GFOD1: variants seen among roughly 807,000 people sequenced by gnomAD.
GFOD1 encodes the protein Gfo/Idh/MocA-like oxidoreductase domain containing 1, also known as glucose-fructose oxidoreductase domain-containing protein 1.
A neutral mutation model predicts 25.4 loss-of-function variants in GFOD1; 9 were observed. The observed-to-expected ratio is 0.35, with a 90% confidence interval of 0.21 to 0.62. The LOEUF is 0.62. Among genes scored for constraint, GFOD1 ranks in the 20% least tolerant of loss-of-function variants. The probability of loss-of-function intolerance (pLI) is 0.72; values close to 1 mark genes in which losing one functional copy is unlikely to be tolerated. For synonymous variants in GFOD1, 253 were observed against 245.6 expected (o/e 1.03, Z -0.28); for missense variants, 403 against 556.9 (o/e 0.72, Z 2.78).
intron 1 of GFOD1, among the ~76,000 whole-genome samples, chr6:13,386,018 T>C (rs1415577247): frequency 6.6e-6 from 1 of 151,920 alleles, no homozygotes. Flanking sequence ...CTCCATTCCC[T>C]TATCCTATCT....
At chr6:13,469,803 G>A (rs1167698409) in intron 1 of GFOD1, 1 of 1,110,342 alleles carries the variant, frequency 9.0e-7, no homozygotes, top group Admixed American at 2.8e-5. Flanking sequence ...TTTCTCACTT[G>A]TAAGATGGAG....
chr6:13,390,346 T>C (rs1785563094), intron 1 of GFOD1, among the ~76,000 whole-genome samples: 1 of 152,050 alleles, frequency 6.6e-6, no homozygotes, highest in East Asian at 1.9e-4. Flanking sequence ...ATCCCAGCAC[T>C]TTGGGAGGCC....
intron 1 of GFOD1, among the ~76,000 whole-genome samples, chr6:13,410,743 G>C (rs1471651576): frequency 6.6e-6 from 1 of 152,112 alleles, no homozygotes; most frequent in East Asian, 1.9e-4. Flanking sequence ...CAGAGTCAGT[G>C]TCATGGGATC....
chr6:13,388,665 A>C (rs1785523760), intron 1 of GFOD1, among the ~76,000 whole-genome samples: 1 of 152,248 alleles, frequency 6.6e-6, no homozygotes. Context: ...AAACACTAGA[A>C]GAAAACCTAG....
In GFOD1 at chr6:13,385,987, C is replaced by T. The variant is rs150348797; in HGVS notation, c.254-20325G>A. 2.7e-4 allele frequency among the ~76,000 whole-genome samples: 41 copies of T among 152,244 alleles called. 1 individual carries two copies. The East Asian group carries it at 3.5e-3, about 13-fold the overall frequency. ...TTTCACTCCGTCTTTCCCTCAATCACCAGCTTATAAGACTCCATGACTCCA... is the reference window on the plus strand; with the variant it reads ...TTTCACTCCGTCTTTCCCTCAATCATCAGCTTATAAGACTCCATGACTCCA... On this transcript the variant is annotated intron_variant, in intron 1 of 1. Coordinates refer to ENST00000379287, the MANE Select transcript of GFOD1 (RefSeq NM_018988.4).
chr6:13,376,403 A>G (rs1785258075), intron 1 of GFOD1, among the ~76,000 whole-genome samples: 1 of 152,096 alleles, frequency 6.6e-6, no homozygotes, highest in South Asian at 2.1e-4. Context: ...GGCCTAGAAC[A>G]GCCATTCTTG....
chr6:13,432,224 TTTTC>T (rs1275173636), intron 1 of GFOD1, among the ~76,000 whole-genome samples: 4 of 150,160 alleles, frequency 2.7e-5, no homozygotes, highest in Non-Finnish European at 5.9e-5. Flanking sequence ...TATTCTTTTC[TTTTC>T]TTTTTTTTTT....
intron 1 of GFOD1, among the ~76,000 whole-genome samples, chr6:13,381,923 A>ATG (rs753669381): frequency 0.017 from 2,356 of 137,254 alleles, 36 homozygotes; most frequent in African/African-American, 0.049. Flanking sequence ...GCGCACACAC[A>ATG]CACACACACA....
chr6:13,391,258 C>A, intron 1 of GFOD1, among the ~76,000 whole-genome samples: 1 of 152,154 alleles, frequency 6.6e-6, no homozygotes, highest in African/African-American at 2.4e-5. Context: ...TAGCTAGCTA[C>A]CAAAACAGCT....
chr6:13,471,070 T>C (rs1333048240), intron 1 of GFOD1, among the ~76,000 whole-genome samples: 1 of 151,668 alleles, frequency 6.6e-6, no homozygotes, highest in Admixed American at 6.6e-5. Context: ...GACAAGGGAG[T>C]GGAGAGAGGA....
intron 1 of GFOD1, among the ~76,000 whole-genome samples, chr6:13,367,506 T>C (rs1452833167): frequency 6.6e-6 from 1 of 152,198 alleles, no homozygotes; most frequent in East Asian, 1.9e-4. Context: ...ATGTTGCTTT[T>C]GGCCAGTGGA....
intron 1 of GFOD1, among the ~76,000 whole-genome samples, chr6:13,484,371 T>C (rs1236874510): frequency 6.6e-6 from 1 of 152,204 alleles, no homozygotes. Context: ...ATCAGCCTGA[T>C]AACTGTTTGG....
chr6:13,442,303 T>G (rs1757930461), intron 1 of GFOD1, among the ~76,000 whole-genome samples: 1 of 152,216 alleles, frequency 6.6e-6, no homozygotes, highest in Admixed American at 6.5e-5. Context: ...TTAAACAAAT[T>G]GAAGGTTTAT....
At chr6:13,374,134 T>C (rs1785203788) in intron 1 of GFOD1, among the ~76,000 whole-genome samples, 1 of 152,232 alleles carries the variant, frequency 6.6e-6, no homozygotes, top group Non-Finnish European at 1.5e-5. Context: ...ATCTTACAGA[T>C]GTGGAAACTG....
chr6:13,387,236 C>A (rs1011719606), intron 1 of GFOD1, among the ~76,000 whole-genome samples: 1 of 152,098 alleles, frequency 6.6e-6, no homozygotes, highest in Non-Finnish European at 1.5e-5. Context: ...AGAGCAATGC[C>A]CAGATAATCT....
intron 1 of GFOD1, among the ~76,000 whole-genome samples, chr6:13,473,986 C>T (rs1014210956): frequency 8.5e-5 from 13 of 152,174 alleles, no homozygotes; most frequent in African/African-American, 3.1e-4. Context: ...AAACTGGAAG[C>T]AATAATTCAC....
chr6:13,403,545 AG>A (rs1228509436), intron 1 of GFOD1, among the ~76,000 whole-genome samples: 1 of 152,246 alleles, frequency 6.6e-6, no homozygotes, highest in Non-Finnish European at 1.5e-5. Flanking sequence ...ATTGTAACAC[AG>A]GGGTAAGTAC....
At chr6:13,476,385 G>A (rs1255967211) in intron 1 of GFOD1, among the ~76,000 whole-genome samples, 1 of 152,188 alleles carries the variant, frequency 6.6e-6, no homozygotes, top group Non-Finnish European at 1.5e-5. Context: ...GAAAGTTCTA[G>A]GAAAGGCAAA....
At chr6:13,469,256 A>C (rs1758434276) in intron 1 of GFOD1, 1 of 985,578 alleles carries the variant, frequency 1.0e-6, no homozygotes, top group Admixed American at 6.1e-5. Context: ...GGAGGAATAC[A>C]TCACACTCGC....
Sources: gnomAD v4.1 joint callset for allele counts (sites outside exome capture counted in the v4.1 genomes callset) on GRCh38, gnomAD v4.1.1 for gene constraint, MANE v1.5 for transcripts, NCBI Gene and HGNC (gene_info 2026-07-23, HGNC 2026-07-21) for gene names.